Variants in USH2A observed in about 807,000 individuals in gnomAD.
The protein encoded by USH2A is Usher syndrome 2A (autosomal recessive, mild).
USH2A carries 443 observed loss-of-function variants against 538.9 expected under a neutral mutation model. The ratio of observed to expected loss-of-function variants is 0.82; its 90% CI spans 0.76 to 0.89. The LOEUF (loss-of-function observed/expected upper bound fraction) is 0.89, where lower values mean the gene tolerates loss of function less well. Ranked by LOEUF, USH2A falls within the 40% of genes least tolerant of loss-of-function variation. The probability of loss-of-function intolerance (pLI) is 0.00; values close to 1 mark genes in which losing one functional copy is unlikely to be tolerated. For missense variants in USH2A, 6,633 were observed against 6,324.8 expected, an observed-to-expected ratio of 1.05 and a Z score of -1.65; for synonymous variants, 2,413 against 2,273.5, an observed-to-expected ratio of 1.06 and a Z score of -1.75.
intron 11 of USH2A, among the ~76,000 whole-genome samples, chr1:216,275,394 T>A (rs1280777546): frequency 3.3e-5 from 5 of 152,124 alleles, no homozygotes; most frequent in African/African-American, 4.8e-5. Flanking sequence ...CTAACGTGAA[T>A]AAATGTATTT....
At chr1:216,374,929 G>C (rs1415208315) in intron 3 of USH2A, among the ~76,000 whole-genome samples, 7 of 151,982 alleles carry the variant, frequency 4.6e-5, no homozygotes, top group African/African-American at 1.7e-4. Context: ...TGGTCTTTAG[G>C]AACAAAGATT....
chr1:215,667,097 G>GA (rs1297724748), intron 64 of USH2A, among the ~76,000 whole-genome samples: 3 of 151,690 alleles, frequency 2.0e-5, no homozygotes, highest in East Asian at 1.9e-4. Context: ...CTCAAAAAAA[G>GA]AAAAAAAATA....
chr1:215,826,995 G>A (rs952615737), intron 47 of USH2A, among the ~76,000 whole-genome samples: 1 of 152,132 alleles, frequency 6.6e-6, no homozygotes, highest in Non-Finnish European at 1.5e-5. Context: ...AGAAGTGAGT[G>A]TTGGAAAAGA....
chr1:216,068,133 G>A (rs916361920), intron 30 of USH2A, among the ~76,000 whole-genome samples: 28 of 152,320 alleles, frequency 1.8e-4, no homozygotes, highest in Non-Finnish European at 3.7e-4. Flanking sequence ...AAGACATAGA[G>A]TGTCAAGTGT....
intron 12 of USH2A, among the ~76,000 whole-genome samples, chr1:216,249,727 C>T (rs557760794): frequency 9.9e-5 from 15 of 152,082 alleles, no homozygotes; most frequent in Middle Eastern, 3.4e-3. Flanking sequence ...TAAATTGAAA[C>T]GCTTGTCTAG....
intron 59 of USH2A, 42 bp downstream of exon 59, chr1:215,743,135 T>C: frequency 6.3e-7 from 1 of 1,598,616 alleles, no homozygotes; most frequent in Non-Finnish European, 8.5e-7. Context: ...AATGAAATAC[T>C]TTTTCATAAA....
At chr1:215,699,102 C>T (rs1361052148) in intron 61 of USH2A, among the ~76,000 whole-genome samples, 1 of 152,106 alleles carries the variant, frequency 6.6e-6, no homozygotes, top group Non-Finnish European at 1.5e-5. Flanking sequence ...TTGTTTTTGT[C>T]AGGTTTGTCA....
At chr1:216,248,692 T>C (rs1454235166) in intron 12 of USH2A, among the ~76,000 whole-genome samples, 2 of 152,158 alleles carry the variant, frequency 1.3e-5, no homozygotes, top group Non-Finnish European at 2.9e-5. Context: ...ATAACTGTAT[T>C]GTTAACAAGA....
intron 49 of USH2A, among the ~76,000 whole-genome samples, chr1:215,813,233 C>T (rs932920458): frequency 1.3e-5 from 2 of 152,142 alleles, no homozygotes; most frequent in African/African-American, 4.8e-5. Flanking sequence ...CAGTTTGCTA[C>T]CCTTTGCAGC....
chr1:215,828,945 C>T (rs1051554366), intron 47 of USH2A, among the ~76,000 whole-genome samples: 4 of 152,084 alleles, frequency 2.6e-5, no homozygotes, highest in African/African-American at 9.7e-5. Context: ...CAGACCCAGC[C>T]CGTTATCTTC....
At chr1:216,280,425 G>T (rs901436784) in intron 11 of USH2A, among the ~76,000 whole-genome samples, 1 of 151,670 alleles carries the variant, frequency 6.6e-6, no homozygotes, top group East Asian at 1.9e-4. Flanking sequence ...AAAATACACA[G>T]ACTTACAGTT....
intron 38 of USH2A, among the ~76,000 whole-genome samples, chr1:215,917,226 C>T (rs1013797018): frequency 6.6e-6 from 1 of 151,944 alleles, no homozygotes; most frequent in Non-Finnish European, 1.5e-5. Context: ...TCTAGTTAAG[C>T]CTTTGCTTTC....
At chr1:216,108,985 A>G (rs995538493) in intron 21 of USH2A, among the ~76,000 whole-genome samples, 1 of 152,056 alleles carries the variant, frequency 6.6e-6, no homozygotes, top group Non-Finnish European at 1.5e-5. Context: ...GTTGGGCTTT[A>G]ATTGTATTTA....
At chr1:215,799,508 A>T (rs1662257333) in intron 49 of USH2A, among the ~76,000 whole-genome samples, 1 of 152,200 alleles carries the variant, frequency 6.6e-6, no homozygotes, top group Non-Finnish European at 1.5e-5. Flanking sequence ...TATGACTATA[A>T]TTTCCTTGAC....
At chr1:215,753,964 G>A (rs770714448) in intron 58 of USH2A, among the ~76,000 whole-genome samples, 25 of 152,130 alleles carry the variant, frequency 1.6e-4, no homozygotes, top group South Asian at 4.1e-4. Context: ...ATGAAAAGTC[G>A]ATTTGGATTT....
chr1:216,369,634 C>T (rs780714395), intron 3 of USH2A, among the ~76,000 whole-genome samples: 6 of 152,114 alleles, frequency 3.9e-5, no homozygotes, highest in Non-Finnish European at 8.8e-5. Flanking sequence ...TAGTATGGGC[C>T]GGGCATGGAG....
intron 18 of USH2A, among the ~76,000 whole-genome samples, chr1:216,197,998 C>T (rs961527813): frequency 6.6e-6 from 1 of 152,078 alleles, no homozygotes; most frequent in African/African-American, 2.4e-5. Flanking sequence ...AGACATGTGT[C>T]CAATCCACTT....
intron 38 of USH2A, among the ~76,000 whole-genome samples, chr1:215,908,433 C>T (rs61828474): frequency 0.15 from 22,008 of 151,692 alleles, 1,694 homozygotes; most frequent in Non-Finnish European, 0.15. Flanking sequence ...GAGAACTAAA[C>T]AGAACTCTTT....
chr1:216,125,560 T>C (rs2033236065), intron 21 of USH2A, among the ~76,000 whole-genome samples: 1 of 152,230 alleles, frequency 6.6e-6, no homozygotes, highest in South Asian at 2.1e-4. Flanking sequence ...GATTGTGCGA[T>C]GGCCTTTTCA....
Sources: allele counts gnomAD v4.1 joint callset (sites outside exome capture counted in the v4.1 genomes callset), GRCh38; gene constraint gnomAD v4.1.1; transcripts MANE v1.5; gene names NCBI Gene and HGNC (gene_info 2026-07-23, HGNC 2026-07-21).